LRPPRC: variants seen among roughly 807,000 people sequenced by gnomAD.
The protein encoded by LRPPRC is leucine-rich PPR motif-containing protein, mitochondrial.
A neutral mutation model predicts 180.3 loss-of-function variants in LRPPRC; 120 were observed. The ratio of observed to expected loss-of-function variants is 0.67; its 90% CI spans 0.57 to 0.77. The LOEUF is 0.77. Among genes scored for constraint, LRPPRC ranks in the 30% least tolerant of loss-of-function variants. LRPPRC has a pLI of 0.00. For synonymous variants in LRPPRC, 723 were observed against 600.0 expected, an observed-to-expected ratio of 1.21 and a Z score of -3.00; for missense variants, 2,012 against 1,657.2, an observed-to-expected ratio of 1.21 and a Z score of -3.72.
intron 1 of LRPPRC, among the ~76,000 whole-genome samples, chr2:43,992,769 G>A (rs554191470): frequency 2.0e-5 from 3 of 152,188 alleles, no homozygotes; most frequent in African/African-American, 4.8e-5. Context: ...CAACATTCAC[G>A]AAAATAGGGA....
chr2:43,894,317 C>G lies in LRPPRC; in HGVS notation c.3985+228G>C, dbSNP rs532777484. Among the ~76,000 whole-genome samples the G allele has an allele frequency of 6.6e-5, 10 of 152,250 alleles. No homozygotes were observed. The East Asian group carries it at 1.9e-3, about 29-fold the overall frequency. ...ACTGCTCGGAAGATGTTCAGTGATACTTTTTAATGTTAAAGTTATATGCAT... is the reference window on the plus strand; with the variant it reads ...ACTGCTCGGAAGATGTTCAGTGATAGTTTTTAATGTTAAAGTTATATGCAT... On this transcript the variant is annotated intron_variant, in intron 36 of 37. Transcript: ENST00000260665.
intron 1 of LRPPRC, among the ~76,000 whole-genome samples, chr2:43,985,156 AT>A (rs1674475080): frequency 6.6e-6 from 1 of 152,054 alleles, no homozygotes; most frequent in South Asian, 2.1e-4. Flanking sequence ...TTTTTAAAAA[AT>A]AAACACAATT....
chr2:43,941,946 CTAATT>C (rs1321129902), intron 23 of LRPPRC, among the ~76,000 whole-genome samples: 1 of 151,348 alleles, frequency 6.6e-6, no homozygotes, highest in African/African-American at 2.4e-5. Flanking sequence ...TGAAAAGACA[CTAATT>C]TAGATTTCCT....
intron 30 of LRPPRC, among the ~76,000 whole-genome samples, chr2:43,912,114 A>C (rs545537731): frequency 1.3e-5 from 2 of 152,308 alleles, no homozygotes; most frequent in South Asian, 4.1e-4. Context: ...CCACCACAAA[A>C]GGTACATGGA....
At position 43,943,828 on chromosome 2, in the gene LRPPRC, G is replaced by A. The variant is rs774051437; in HGVS notation, c.2363C>T (p.Ser788Phe). ...DVLIKDTTAL[S>F]FFHMLNGAAL... is the part of the protein sequence containing the mutation. ...TGCGCCATTTAGCATGTGGAAAAAG[G>A]ACAAGGCTGTTGTATCTTTGATAAG... The change falls in exon 23 of 38, where the codon TCC (serine) becomes TTC (phenylalanine). Residue 788 changes from serine (S) to phenylalanine (F), a missense_variant. Ser to Phe is a radical substitution (Grantham distance 155, BLOSUM62 -2). Coordinates refer to ENST00000260665, the MANE Select transcript of LRPPRC (RefSeq NM_133259.4). 9 of 1,613,202 alleles carry A rather than the reference G, an allele frequency of 5.6e-6. No individual in the cohort carries two copies. The highest frequency in any genetic ancestry group is 7.6e-6 in the Non-Finnish European group (9 of 1,179,412).
In LRPPRC at chr2:43,977,014, T is replaced by C. The variant is rs748748368; in HGVS notation, c.630A>G (p.Val210=). The change falls in exon 5 of 38, where the codon GTA becomes GTG. Residue 210 remains valine, a synonymous_variant. Transcript: ENST00000260665. ...CATACCTGGCACCTTCAATATCTCCTACATTACAATAAGAAGCAATCAATC... is the reference window on the plus strand; with the variant it reads ...CATACCTGGCACCTTCAATATCTCCCACATTACAATAAGAAGCAATCAATC... The part of the protein sequence containing the change: ...YQRLIASYCN[V]GDIEGASKIL... 1.2e-6 allele frequency: 2 copies of C among 1,613,160 alleles called. No homozygotes were observed. Among genetic ancestry groups the C allele is most frequent in the Admixed American group, 1.7e-5 (1 of 60,014 alleles).
chr2:43,917,929 C>G (rs1485603687), intron 29 of LRPPRC, 96 bp downstream of exon 29: 6 of 819,846 alleles, frequency 7.3e-6, no homozygotes, highest in Non-Finnish European at 1.2e-5. Flanking sequence ...CTATCTCTAT[C>G]CTAGAGCACT....
At chr2:43,922,501 G>A (rs1671731964) in intron 27 of LRPPRC, among the ~76,000 whole-genome samples, 1 of 152,164 alleles carries the variant, frequency 6.6e-6, no homozygotes, top group South Asian at 2.1e-4. Context: ...GCAAAATATG[G>A]ATTTTTAAAA....
chr2:43,995,983 C>A lies in LRPPRC; in HGVS notation c.-36G>T, dbSNP rs181242544. 3 of 1,523,044 alleles carry A rather than the reference C, an allele frequency of 2.0e-6. No homozygotes were observed. In the East Asian group the frequency reaches 7.7e-5, roughly 39 times the overall value. 94.3% of individuals were successfully genotyped at this position (1,523,044 alleles called of 1,614,324 possible). ...TCCCCGCAGCGGGAAGCACGCTCCG[C>A]CAGAAGGACAGGAGGAGCATGTGAC... On this transcript the variant is annotated 5_prime_UTR_variant, in exon 1 of 38. Coordinates refer to ENST00000260665, the MANE Select transcript of LRPPRC (RefSeq NM_133259.4).
At chr2:43,996,105 T>G (rs185606043), upstream of LRPPRC, 14 of 616,094 alleles carry the variant, frequency 2.3e-5, no homozygotes, top group African/African-American at 1.2e-4. Flanking sequence ...AAAACCGCAC[T>G]TCTCCGAGGA....
In LRPPRC at chr2:43,888,054, C is replaced by G. The variant is rs1207155469; in HGVS notation, c.*546G>C. On this transcript the variant is annotated 3_prime_UTR_variant, in exon 38 of 38. Coordinates refer to ENST00000260665, the MANE Select transcript of LRPPRC (RefSeq NM_133259.4). Reference sequence around the variant, plus strand: ...TGACAGACAGTCCCCTGACCAAGCACAAGTAACAGGCCCTTTGGGTCTCTG... The same window carrying G: ...TGACAGACAGTCCCCTGACCAAGCAGAAGTAACAGGCCCTTTGGGTCTCTG... 6.4e-6 allele frequency: 1 copy of G among 156,734 alleles called. No individual in the cohort carries two copies. The highest frequency in any genetic ancestry group is 1.4e-5 in the Non-Finnish European group (1 of 71,080). 9.7% of individuals were successfully genotyped at this position (156,734 alleles called of 1,614,324 possible). A position where few individuals can be genotyped will look rare whatever the true frequency, so the allele number is the denominator to read the frequency against.
In LRPPRC at chr2:43,934,199, C is replaced by A. The variant is rs528209552; in HGVS notation, c.2727G>T (p.Lys909Asn). 1 of 1,584,170 alleles carries A rather than the reference C, an allele frequency of 6.3e-7. No homozygotes were observed. Among genetic ancestry groups the A allele is most frequent in the African/African-American group, 1.3e-5 (1 of 74,428 alleles). The change falls in exon 25 of 38, where the codon AAG becomes AAT. Residue 909 changes from lysine (K) to asparagine (N), a missense_variant. Lys to Asn is a moderately conservative substitution (Grantham distance 94, BLOSUM62 0). Transcript: ENST00000260665. ...LQTGNYKEAKKIIETPGIRAR... is the reference protein window; with the variant it reads ...LQTGNYKEAKNIIETPGIRAR... ...GTAGTTAAAATCACACCTCAATGAT[C>A]TTCTTGGCCTCTTTGTAATTTCCTG...
intron 13 of LRPPRC, among the ~76,000 whole-genome samples, chr2:43,958,019 C>A (rs1359286736): frequency 1.3e-5 from 2 of 152,178 alleles, no homozygotes; most frequent in Admixed American, 6.5e-5. Context: ...TGATCTTTCA[C>A]TTTTCTGAGT....
At position 43,947,350 on chromosome 2, in the gene LRPPRC, A is replaced by G. The variant is rs769352069; in HGVS notation, c.1986T>C (p.Ser662=). 11 of 1,586,582 alleles carry G rather than the reference A, an allele frequency of 6.9e-6. No homozygotes were observed. The highest frequency in any genetic ancestry group is 9.5e-6 in the Non-Finnish European group (11 of 1,155,886). ...GTGTTTCAAGTGTGGACTCCAATTCAGATGATGTAAGTTGCACAGTCTACA... is the reference window on the plus strand; with the variant it reads ...GTGTTTCAAGTGTGGACTCCAATTCGGATGATGTAAGTTGCACAGTCTACA... The part of the protein sequence containing the change: ...DFQKTVQLTS[S]ELESTLETLK... The change falls in exon 20 of 38, where the codon TCT becomes TCC. Residue 662 remains serine, a synonymous_variant. Coordinates refer to ENST00000260665, the MANE Select transcript of LRPPRC (RefSeq NM_133259.4).
chr2:43,979,840 G>A lies in LRPPRC; in HGVS notation c.455C>T (p.Thr152Ile). 1.2e-6 allele frequency: 2 copies of A among 1,612,922 alleles called. No individual in the cohort carries two copies. Among genetic ancestry groups the A allele is most frequent in the Non-Finnish European group, 1.7e-6 (2 of 1,179,026 alleles). ...AACAATCATACCTAATTTCTGAAGT[G>A]TGTCCCATATCCTATGAGCAAATTC... ...RTEFAHRIWD[T>I]LQKLGAVYDV... The change falls in exon 3 of 38, where the codon ACA becomes ATA. Residue 152 changes from threonine (T) to isoleucine (I), a missense_variant. Physicochemically the swap from Thr to Ile is moderately conservative, Grantham distance 89. Transcript: ENST00000260665.
intron 11 of LRPPRC, among the ~76,000 whole-genome samples, chr2:43,967,512 G>A (rs1207195543): frequency 6.6e-6 from 1 of 152,122 alleles, no homozygotes; most frequent in Admixed American, 6.5e-5. Context: ...AGGTTTAAAT[G>A]TATTTTTCAA....
chr2:43,890,021 AG>A, intron 36 of LRPPRC, 145 bp from the exon 37 acceptor site: 1 of 657,858 alleles, frequency 1.5e-6, no homozygotes, highest in South Asian at 1.8e-5. Context: ...AGCCACATTC[AG>A]AATCTACCAT....
At position 43,958,079 on chromosome 2, in the gene LRPPRC, T is replaced by A. The variant is rs138289696; in HGVS notation, c.1583-628A>T. On this transcript the variant is annotated intron_variant, in intron 13 of 37. Coordinates refer to ENST00000260665, the MANE Select transcript of LRPPRC (RefSeq NM_133259.4). ...TGACATTTAACAGTCTACAACCTTG[T>A]ATGTTTCAATGCTGACATTATAAGC... Among the ~76,000 whole-genome samples the A allele has an allele frequency of 2.0e-3, 307 of 152,360 alleles. 4 individuals are homozygous for A. The Middle Eastern group carries it at 0.044, about 22-fold the overall frequency.
At chr2:43,948,100 T>C (rs1372829996) in intron 18 of LRPPRC, 22 bp downstream of exon 18, 1 of 1,443,860 alleles carries the variant, frequency 6.9e-7, no homozygotes, top group Non-Finnish European at 9.7e-7. Context: ...TTTTATCCAG[T>C]TGATTGCTAT....
Sources: gnomAD v4.1 joint callset for allele counts (sites outside exome capture counted in the v4.1 genomes callset) on GRCh38, gnomAD v4.1.1 for gene constraint, MANE v1.5 for transcripts, NCBI Gene and HGNC (gene_info 2026-07-23, HGNC 2026-07-21) for gene names.